Variants in PDSS2 observed in about 807,000 individuals in gnomAD.
PDSS2 encodes all trans-polyprenyl-diphosphate synthase PDSS2.
A neutral mutation model predicts 44.5 loss-of-function variants in PDSS2; 31 were observed. The observed-to-expected ratio is 0.70, with a 90% CI of 0.52 to 0.94. The LOEUF (loss-of-function observed/expected upper bound fraction) is 0.94. Ranked by LOEUF, PDSS2 falls within the 40% of genes least tolerant of loss-of-function variation. The probability of loss-of-function intolerance (pLI) is 0.00; values close to 1 mark genes in which losing one functional copy is unlikely to be tolerated. For synonymous variants in PDSS2, 157 were observed against 180.3 expected, an observed-to-expected ratio of 0.87 and a Z score of 1.03; for missense variants, 452 against 482.2, an observed-to-expected ratio of 0.94 and a Z score of 0.59.
chr6:107,443,801 TC>T (rs1781582253), intron 1 of PDSS2, among the ~76,000 whole-genome samples: 1 of 152,214 alleles, frequency 6.6e-6, no homozygotes, highest in Non-Finnish European at 1.5e-5. Context: ...CTGGTAGTCT[TC>T]CATTTTCTCT....
At chr6:107,157,866 T>A (rs1770964360) in intron 7 of PDSS2, among the ~76,000 whole-genome samples, 4 of 151,800 alleles carry the variant, frequency 2.6e-5, no homozygotes, top group African/African-American at 9.7e-5. Context: ...AGAGACGGGG[T>A]TTCACCATGT....
At chr6:107,387,695 T>C (rs1346044210) in intron 1 of PDSS2, among the ~76,000 whole-genome samples, 4 of 152,174 alleles carry the variant, frequency 2.6e-5, no homozygotes, top group Non-Finnish European at 5.9e-5. Context: ...GGAAGACCCA[T>C]AGACTAAGTT....
At chr6:107,455,778 A>C (rs1175942826) in intron 1 of PDSS2, among the ~76,000 whole-genome samples, 2 of 151,010 alleles carry the variant, frequency 1.3e-5, no homozygotes, top group Admixed American at 6.6e-5. Context: ...AAAAAAAAAA[A>C]AAAAACTTAA....
intron 2 of PDSS2, among the ~76,000 whole-genome samples, chr6:107,296,623 A>G (rs1466744128): frequency 1.3e-5 from 2 of 152,212 alleles, no homozygotes; most frequent in Non-Finnish European, 2.9e-5. Context: ...GCTACTCAGG[A>G]GGCTGAGGCA....
chr6:107,373,021 G>A (rs1440171959), intron 1 of PDSS2, among the ~76,000 whole-genome samples: 1 of 131,640 alleles, frequency 7.6e-6, no homozygotes, highest in African/African-American at 2.9e-5. Context: ...GTTTTGCTCT[G>A]TTGCCAGGCT....
At chr6:107,418,495 G>T (rs542781602) in intron 1 of PDSS2, among the ~76,000 whole-genome samples, 3 of 152,300 alleles carry the variant, frequency 2.0e-5, no homozygotes, top group Admixed American at 2.0e-4. Context: ...TGTTTGGTTG[G>T]GTGTGGTGGC....
At chr6:107,279,088 C>T (rs547077923) in intron 2 of PDSS2, among the ~76,000 whole-genome samples, 12 of 152,106 alleles carry the variant, frequency 7.9e-5, no homozygotes, top group African/African-American at 2.7e-4. Context: ...GACATGGTGG[C>T]GCATGTCTGT....
chr6:107,447,208 C>T (rs900574024), intron 1 of PDSS2, among the ~76,000 whole-genome samples: 5 of 151,898 alleles, frequency 3.3e-5, no homozygotes, highest in African/African-American at 9.7e-5. Flanking sequence ...TGGTGGTGGG[C>T]GCCTGTAGTC....
At chr6:107,329,955 T>C (rs2115219770) in intron 2 of PDSS2, among the ~76,000 whole-genome samples, 1 of 147,284 alleles carries the variant, frequency 6.8e-6, no homozygotes, top group East Asian at 2.0e-4. Flanking sequence ...GAGCCGAGAC[T>C]GCATCACTTC....
At chr6:107,333,492 T>C (rs769999174) in intron 2 of PDSS2, among the ~76,000 whole-genome samples, 12 of 152,218 alleles carry the variant, frequency 7.9e-5, no homozygotes, top group Non-Finnish European at 1.8e-4. Flanking sequence ...ACTACAGCTC[T>C]TAAAATGACA....
intron 1 of PDSS2, among the ~76,000 whole-genome samples, chr6:107,380,500 C>T (rs1447915807): frequency 1.3e-5 from 2 of 152,158 alleles, no homozygotes; most frequent in Non-Finnish European, 2.9e-5. Context: ...TTTTCCTTTC[C>T]CCTTGCCAAA....
chr6:107,349,514 C>T (rs1445430574), intron 1 of PDSS2, among the ~76,000 whole-genome samples: 2 of 151,882 alleles, frequency 1.3e-5, no homozygotes, highest in Non-Finnish European at 2.9e-5. Flanking sequence ...TTTGGGAGGC[C>T]GAGGCGGATG....
At chr6:107,255,725 T>C (rs1774997313) in intron 3 of PDSS2, among the ~76,000 whole-genome samples, 1 of 152,240 alleles carries the variant, frequency 6.6e-6, no homozygotes, top group African/African-American at 2.4e-5. Flanking sequence ...AAAAATGTTA[T>C]GTATAGTTCA....
chr6:107,303,143 G>A (rs1776751582), intron 2 of PDSS2, among the ~76,000 whole-genome samples: 2 of 152,104 alleles, frequency 1.3e-5, no homozygotes, highest in South Asian at 4.1e-4. Flanking sequence ...TCATTCCATC[G>A]CAGAAGAGCA....
At chr6:107,349,712 G>A (rs1337943095) in intron 1 of PDSS2, among the ~76,000 whole-genome samples, 2 of 152,156 alleles carry the variant, frequency 1.3e-5, no homozygotes, top group African/African-American at 2.4e-5. Context: ...TCGTGCCATT[G>A]CACTCCAGCC....
chr6:107,190,094 A>G (rs1216856527), intron 7 of PDSS2, among the ~76,000 whole-genome samples: 2 of 151,670 alleles, frequency 1.3e-5, no homozygotes, highest in African/African-American at 4.8e-5. Flanking sequence ...TAAAAAAAAA[A>G]AACAAAAATA....
At chr6:107,218,352 AG>A (rs1773487045) in intron 4 of PDSS2, among the ~76,000 whole-genome samples, 1 of 152,130 alleles carries the variant, frequency 6.6e-6, no homozygotes, top group Non-Finnish European at 1.5e-5. Context: ...CTTGGCCTCT[AG>A]GAGGCCTCTG....
At chr6:107,192,077 G>GA (rs750452343) in intron 7 of PDSS2, among the ~76,000 whole-genome samples, 1 of 152,190 alleles carries the variant, frequency 6.6e-6, no homozygotes, top group Non-Finnish European at 1.5e-5. Context: ...AACAGCAACA[G>GA]AAAGGCCAGA....
intron 2 of PDSS2, among the ~76,000 whole-genome samples, chr6:107,300,370 C>T (rs1179981305): frequency 1.3e-5 from 2 of 148,714 alleles, no homozygotes; most frequent in African/African-American, 2.4e-5. Context: ...AAGAGGTCGT[C>T]GGCCAACCTC....
Sources: gnomAD v4.1 joint callset for allele counts (sites outside exome capture counted in the v4.1 genomes callset) on GRCh38, gnomAD v4.1.1 for gene constraint, MANE v1.5 for transcripts, NCBI Gene and HGNC (gene_info 2026-07-23, HGNC 2026-07-21) for gene names.